Variants in CHRNA5 observed in about 807,000 individuals in gnomAD.
The protein encoded by CHRNA5 is cholinergic receptor nicotinic alpha 5 subunit.
CHRNA5 carries 28 observed loss-of-function variants against 41.2 expected under a neutral mutation model. The ratio of observed to expected loss-of-function variants is 0.68; its 90% confidence interval spans 0.50 to 0.93. The LOEUF is 0.93. Ranked by LOEUF, CHRNA5 falls within the 40% of genes least tolerant of loss-of-function variation. The pLI is 0.00. For missense variants in CHRNA5, 481 were observed against 581.9 expected, an observed-to-expected ratio of 0.83 and a Z score of 1.78; for synonymous variants, 188 against 205.8, an observed-to-expected ratio of 0.91 and a Z score of 0.74.
exon 3 of CHRNA5, chr15:78,586,689 G>A: frequency 6.2e-7 from 1 of 1,602,626 alleles, no homozygotes; most frequent in Non-Finnish European, 8.5e-7. Context: ...GGTTGAAACA[G>A]GTATGTGTGT....
intron 2 of CHRNA5, among the ~76,000 whole-genome samples, chr15:78,581,408 A>G (rs2052912125): frequency 2.6e-5 from 4 of 152,348 alleles, no homozygotes; most frequent in African/African-American, 9.6e-5. Context: ...AAATTTTTCT[A>G]TATGACGTTC....
intron 1 of CHRNA5, among the ~76,000 whole-genome samples, chr15:78,579,972 T>C (rs1352272415): frequency 1.3e-5 from 2 of 152,144 alleles, no homozygotes; most frequent in Admixed American, 1.3e-4. Flanking sequence ...TCAATATTTA[T>C]ATATTTTCAT....
chr15:78,572,015 G>A (rs1026105531), intron 1 of CHRNA5, among the ~76,000 whole-genome samples: 1 of 151,742 alleles, frequency 6.6e-6, no homozygotes, highest in African/African-American at 2.4e-5. Context: ...GTCACTTTTT[G>A]CTAACTTATA....
chr15:78,590,913 G>T, intron 5 of CHRNA5: 2 of 377,572 alleles, frequency 5.3e-6, no homozygotes, highest in South Asian at 3.6e-5. Context: ...ATATTCTAAG[G>T]AATAATCCTG....
At chr15:78,589,093 G>A (rs2052986971) in intron 4 of CHRNA5, 2 of 152,180 alleles carry the variant, frequency 1.3e-5, no homozygotes, top group Non-Finnish European at 2.9e-5. Context: ...TGCTTCTTAA[G>A]AAGTGAACAA....
At chr15:78,592,505 C>T (rs1187502752) in intron 5 of CHRNA5, among the ~76,000 whole-genome samples, 6 of 152,154 alleles carry the variant, frequency 3.9e-5, no homozygotes, top group South Asian at 2.1e-4. Flanking sequence ...TGGCTGGGCT[C>T]ATCCTTCTTT....
At chr15:78,590,032 A>C (rs765530585) in exon 5 of CHRNA5, 1 of 1,614,114 alleles carries the variant, frequency 6.2e-7, no homozygotes, top group Admixed American at 1.7e-5. Context: ...GATTTTTTTG[A>C]TAATGGAGAA....
rs752254237 is a variant in CHRNA5, at chr15:78,585,791, C to CTTTTTTTTTTTT, written c.259-843_259-842insTTTTTTTTTTTT. On this transcript the variant is annotated intron_variant, in intron 2 of 5. Transcript: ENST00000299565. The stretch of plus-strand genomic sequence containing the variant: ...TTTTTCTTTTTCTTTTCTTTTCTTT[C>CTTTTTTTTTTTT]TTTTTTTTTTTGAGATGGAGTCTCG... Among the ~76,000 whole-genome samples the CTTTTTTTTTTTT allele has an allele frequency of 7.7e-5, 10 of 130,610 alleles. 1 individual carries two copies. Among genetic ancestry groups the CTTTTTTTTTTTT allele is most frequent in the Non-Finnish European group, 1.1e-4 (7 of 63,932 alleles). The allele number at this position is 130,610 out of a possible 152,430, so 85.7% of individuals were successfully genotyped here.
chr15:78,593,007 G>C (rs1313644351), intron 5 of CHRNA5, 85 bp from the exon 6 acceptor site: 1 of 1,504,610 alleles, frequency 6.6e-7, no homozygotes, highest in Non-Finnish European at 8.9e-7. Flanking sequence ...AATCGATTTG[G>C]CTTCTAACTC....
intron 1 of CHRNA5, among the ~76,000 whole-genome samples, chr15:78,569,432 A>T (rs976514220): frequency 2.0e-3 from 269 of 137,380 alleles, no homozygotes; most frequent in African/African-American, 7.2e-3. Flanking sequence ...AAATATTGGA[A>T]TTTTTTTTTT....
exon 6 of CHRNA5, chr15:78,593,200 T>C: frequency 6.2e-7 from 1 of 1,613,724 alleles, no homozygotes. Flanking sequence ...TCCTGTTATT[T>C]ATAAATGGGC....
At chr15:78,590,340 C>A in exon 5 of CHRNA5, 1 of 1,614,154 alleles carries the variant, frequency 6.2e-7, no homozygotes, top group Non-Finnish European at 8.5e-7. Context: ...TGGAGAGTAT[C>A]TGGTATTTAC....
In CHRNA5 at chr15:78,580,713, T is replaced by C. The variant is rs567889876; in HGVS notation, c.107-98T>C. On this transcript the variant is annotated intron_variant, in intron 1 of 5. Transcript: ENST00000299565. ...GTGCAGTGGCCCGATCTTGGCTCACTGCAACCTTTGCCTCCTGGGTTTGAA... is the reference window on the plus strand; with the variant it reads ...GTGCAGTGGCCCGATCTTGGCTCACCGCAACCTTTGCCTCCTGGGTTTGAA... 6 of 1,028,582 alleles carry C rather than the reference T, an allele frequency of 5.8e-6. No individual in the cohort carries two copies. The Admixed American group carries it at 1.5e-4, about 25-fold the overall frequency. The allele number at this position is 1,028,582 out of a possible 1,614,324, so 63.7% of individuals were successfully genotyped here.
At chr15:78,576,038 C>T (rs553216889) in intron 1 of CHRNA5, among the ~76,000 whole-genome samples, 2 of 152,304 alleles carry the variant, frequency 1.3e-5, no homozygotes, top group Non-Finnish European at 2.9e-5. Flanking sequence ...ATTTTAGATA[C>T]AAGTCCCCTA....
At chr15:78,586,122 A>T (rs140232233) in intron 2 of CHRNA5, among the ~76,000 whole-genome samples, 1 of 152,276 alleles carries the variant, frequency 6.6e-6, no homozygotes, top group African/African-American at 2.4e-5. Flanking sequence ...TAGCAGACCT[A>T]CAGGGAAATT....
chr15:78,588,850 C>T lies in CHRNA5; in HGVS notation c.413+427C>T, dbSNP rs1368292621. Among the ~76,000 whole-genome samples, 2 of 149,102 alleles carry T rather than the reference C, an allele frequency of 1.3e-5. No individual in the cohort carries two copies. Among genetic ancestry groups the T allele is most frequent in the East Asian group, 3.9e-4 (2 of 5,140 alleles). ...AATGCTGGGTTAATTATCAATTCAT[C>T]TTTAGAGGCATCCTACCTAGGTGTG... On this transcript the variant is annotated intron_variant, in intron 4 of 5. Transcript: ENST00000299565. The surrounding 1 kb of genome is among the most constrained non-coding windows in gnomAD (Gnocchi z 4.1).
chr15:78,574,617 A>G (rs1162127961), intron 1 of CHRNA5, among the ~76,000 whole-genome samples: 3 of 152,196 alleles, frequency 2.0e-5, no homozygotes, highest in Non-Finnish European at 1.5e-5. Flanking sequence ...AATGAATCAA[A>G]AAGTCGTTGC....
intron 2 of CHRNA5, among the ~76,000 whole-genome samples, chr15:78,585,704 T>G (rs2052952782): frequency 6.6e-6 from 1 of 152,154 alleles, no homozygotes; most frequent in African/African-American, 2.4e-5. Context: ...CCTCCAGTTC[T>G]CTACAAAAGT....
intron 3 of CHRNA5, among the ~76,000 whole-genome samples, chr15:78,587,665 A>AT (rs35829982): frequency 4.4e-4 from 67 of 151,752 alleles, no homozygotes; most frequent in Non-Finnish European, 8.3e-4. Flanking sequence ...AATGAAATGA[A>AT]TTTTTTTTTA....
Sources: gnomAD v4.1 joint callset for allele counts (sites outside exome capture counted in the v4.1 genomes callset) on GRCh38, gnomAD v4.1.1 for gene constraint, Gnocchi (gnomAD v3.1) non-coding constraint, MANE v1.5 for transcripts, NCBI Gene and HGNC (gene_info 2026-07-23, HGNC 2026-07-21) for gene names.